CNTN6: variants seen among roughly 807,000 people sequenced by gnomAD.
CNTN6 encodes the protein contactin-6.
In CNTN6, 137 loss-of-function variants were observed where a neutral mutation model predicts 122.8. The observed-to-expected ratio is 1.12, with a 90% CI of 0.97 to 1.29. The LOEUF (loss-of-function observed/expected upper bound fraction) is 1.29, where lower values mean the gene tolerates loss of function less well. Ranked by LOEUF, CNTN6 falls within the 50% of genes most tolerant of loss-of-function variation. The pLI is 0.00. For synonymous variants in CNTN6, 570 were observed against 426.0 expected, an observed-to-expected ratio of 1.34 and a Z score of -4.16; for missense variants, 1,634 against 1,223.4, an observed-to-expected ratio of 1.34 and a Z score of -5.01.
intron 21 of CNTN6, 57 bp downstream of exon 21, chr3:1,401,602 T>C (rs942456908): frequency 1.3e-5 from 16 of 1,190,210 alleles, no homozygotes; most frequent in Middle Eastern, 1.9e-4. Flanking sequence ...GAATGAAACA[T>C]GTGACACCCA....
At chr3:1,161,919 G>C (rs977205709) in intron 2 of CNTN6, among the ~76,000 whole-genome samples, 7 of 151,706 alleles carry the variant, frequency 4.6e-5, no homozygotes, top group Admixed American at 1.3e-4. Flanking sequence ...TTTAGATTTT[G>C]ATATTTTATT....
At chr3:1,371,662 T>C (rs536955176) in intron 12 of CNTN6, among the ~76,000 whole-genome samples, 129 of 152,250 alleles carry the variant, frequency 8.5e-4, no homozygotes, top group African/African-American at 3.0e-3. Context: ...AAAAGAAAGA[T>C]TGACATAGAG....
At chr3:1,284,410 C>T (rs1193072657) in intron 5 of CNTN6, among the ~76,000 whole-genome samples, 3 of 152,114 alleles carry the variant, frequency 2.0e-5, no homozygotes, top group Non-Finnish European at 4.4e-5. Context: ...GTCAAATTGG[C>T]AGTGGATATG....
rs147058848 is a variant in CNTN6 at position 1,355,812 on chromosome 3, A to C, written c.1492+3361A>C. 2.2e-3 allele frequency among the ~76,000 whole-genome samples: 332 copies of C among 151,936 alleles called. 1 individual carries two copies. Among genetic ancestry groups the C allele is most frequent in the African/African-American group, 7.7e-3 (320 of 41,520 alleles). ...ATGCAAGAAATGTTGTTGTTAGATA[A>C]CATGGAAAAGATAATAGTTACAAGA... On this transcript the variant is annotated intron_variant, in intron 12 of 22. Coordinates refer to ENST00000446702, the MANE Select transcript of CNTN6 (RefSeq NM_001289080.2).
At chr3:1,123,434 T>G (rs2092037656) in intron 1 of CNTN6, among the ~76,000 whole-genome samples, 1 of 150,570 alleles carries the variant, frequency 6.6e-6, no homozygotes, top group African/African-American at 2.4e-5. Flanking sequence ...TTTTTCTTAA[T>G]GTGCTTTTCA....
chr3:1,298,064 C>A, intron 7 of CNTN6, 73 bp downstream of exon 7: 1 of 1,036,528 alleles, frequency 9.6e-7, no homozygotes, highest in Non-Finnish European at 1.4e-6. Context: ...TTTTGTTATT[C>A]ATATATTGCT....
intron 20 of CNTN6, among the ~76,000 whole-genome samples, chr3:1,397,383 G>T (rs978148411): frequency 1.3e-5 from 2 of 152,096 alleles, no homozygotes; most frequent in African/African-American, 4.8e-5. Context: ...AGAACTTCCA[G>T]ACAGAAGGAA....
intron 2 of CNTN6, among the ~76,000 whole-genome samples, chr3:1,184,852 C>T (rs1292952553): frequency 6.6e-6 from 1 of 151,962 alleles, no homozygotes; most frequent in African/African-American, 2.4e-5. Context: ...AACATTTTCC[C>T]TACTGGTATT....
chr3:1,109,396 G>A (rs1440629100), intron 1 of CNTN6, among the ~76,000 whole-genome samples: 1 of 151,820 alleles, frequency 6.6e-6, no homozygotes, highest in Non-Finnish European at 1.5e-5. Context: ...TAATCTTCTT[G>A]TTTACAATTT....
intron 2 of CNTN6, among the ~76,000 whole-genome samples, chr3:1,187,772 A>G (rs1164962094): frequency 6.6e-6 from 1 of 152,196 alleles, no homozygotes; most frequent in African/African-American, 2.4e-5. Flanking sequence ...TCAGATGCCC[A>G]AGAAGCTGGC....
chr3:1,393,348 A>C, intron 20 of CNTN6, among the ~76,000 whole-genome samples: 1 of 113,028 alleles, frequency 8.8e-6, no homozygotes, highest in East Asian at 2.6e-4. Context: ...ATAGGTGGGA[A>C]TTGAACAATG....
intron 1 of CNTN6, among the ~76,000 whole-genome samples, chr3:1,108,783 G>A (rs998474978): frequency 1.3e-5 from 2 of 151,912 alleles, no homozygotes; most frequent in African/African-American, 4.8e-5. Flanking sequence ...TAACTTTTTA[G>A]AAAAAGTTTT....
chr3:1,184,974 G>A (rs953589791), intron 2 of CNTN6, among the ~76,000 whole-genome samples: 7 of 152,024 alleles, frequency 4.6e-5, no homozygotes, highest in African/African-American at 7.2e-5. Context: ...ACTCATTCTA[G>A]CATTACGTTA....
intron 7 of CNTN6, among the ~76,000 whole-genome samples, chr3:1,313,291 G>A (rs1359597449): frequency 2.0e-5 from 3 of 152,078 alleles, no homozygotes; most frequent in Non-Finnish European, 2.9e-5. Flanking sequence ...CATGTTTCAT[G>A]TGCAGATTAG....
chr3:1,172,738 T>C (rs1474948210), intron 2 of CNTN6, among the ~76,000 whole-genome samples: 7 of 152,126 alleles, frequency 4.6e-5, no homozygotes, highest in Non-Finnish European at 1.0e-4. Context: ...GTGGATCACA[T>C]ATTCTTGAAA....
intron 1 of CNTN6, among the ~76,000 whole-genome samples, chr3:1,142,259 CT>C (rs1395272574): frequency 3.3e-5 from 5 of 151,272 alleles, no homozygotes; most frequent in Admixed American, 2.6e-4. Context: ...CAAAGAAACT[CT>C]TAATGTTGTT....
At position 1,388,032 on chromosome 3, in the gene CNTN6, A is replaced by G. The variant is rs563025673; in HGVS notation, c.2704+2235A>G. 5.2e-3 allele frequency among the ~76,000 whole-genome samples: 793 copies of G among 152,018 alleles called. 6 individuals carry two copies. Among genetic ancestry groups the G allele is most frequent in the African/African-American group, 0.013 (547 of 41,394 alleles). ...GCTTGATTAGGTAAACAAAGCAGCCAGGAAGCTCCAACTGGGTGGAGCCCA... is the reference window on the plus strand; with the variant it reads ...GCTTGATTAGGTAAACAAAGCAGCCGGGAAGCTCCAACTGGGTGGAGCCCA... On this transcript the variant is annotated intron_variant, in intron 20 of 22. Coordinates refer to ENST00000446702, the MANE Select transcript of CNTN6 (RefSeq NM_001289080.2).
chr3:1,340,260 A>T (rs17037992), intron 11 of CNTN6, among the ~76,000 whole-genome samples: 2 of 152,142 alleles, frequency 1.3e-5, no homozygotes, highest in Admixed American at 1.3e-4. Flanking sequence ...TTCATAATAT[A>T]CACATTTTTT....
At chr3:1,387,777 TTCCAAGTCAAAG>T (rs1693283634) in intron 20 of CNTN6, among the ~76,000 whole-genome samples, 1 of 150,606 alleles carries the variant, frequency 6.6e-6, no homozygotes, top group Non-Finnish European at 1.5e-5. Context: ...GGAGTTCCCT[TTCCAAGTCAAAG>T]AAAGGGGTGA....
Sources: allele counts gnomAD v4.1 joint callset (sites outside exome capture counted in the v4.1 genomes callset), GRCh38; gene constraint gnomAD v4.1.1; transcripts MANE v1.5; gene names NCBI Gene and HGNC (gene_info 2026-07-23, HGNC 2026-07-21).